Variants in CUX2 observed in about 807,000 individuals in gnomAD.
CUX2 encodes the protein homeobox protein cut-like 2.
A neutral mutation model predicts 144.8 loss-of-function variants in CUX2; 40 were observed. The observed-to-expected ratio is 0.28, with a 90% CI of 0.21 to 0.36. CUX2 has a LOEUF of 0.36. CUX2 is among the 10% of genes least tolerant of loss of function. CUX2 has a pLI of 1.00. For synonymous variants in CUX2, 827 were observed against 875.6 expected (o/e 0.94, Z 0.98); for missense variants, 1,615 against 1,994.0 (o/e 0.81, Z 3.62).
intron 1 of CUX2, among the ~76,000 whole-genome samples, chr12:111,121,170 T>C (rs1429065310): frequency 6.6e-6 from 1 of 151,652 alleles, no homozygotes; most frequent in African/African-American, 2.4e-5. Context: ...AATCATTCTT[T>C]ACTATATTGA....
chr12:111,097,985 T>G (rs1872931037), intron 1 of CUX2, among the ~76,000 whole-genome samples: 2 of 152,276 alleles, frequency 1.3e-5, no homozygotes, highest in Admixed American at 6.5e-5. Context: ...TTGGGGAGTT[T>G]AGTTCTAAGA....
chr12:111,127,881 C>T (rs1372747892), intron 1 of CUX2, among the ~76,000 whole-genome samples: 1 of 152,180 alleles, frequency 6.6e-6, no homozygotes, highest in Non-Finnish European at 1.5e-5. Flanking sequence ...ACTTATAAAA[C>T]CATCAGGTCT....
intron 1 of CUX2, among the ~76,000 whole-genome samples, chr12:111,148,864 G>C (rs1379773065): frequency 6.6e-6 from 1 of 152,112 alleles, no homozygotes; most frequent in South Asian, 2.1e-4. Flanking sequence ...AGGTATGGTG[G>C]TGCATACCTG....
chr12:111,115,279 CTTTTTTTTTT>C (rs869307048), intron 1 of CUX2, among the ~76,000 whole-genome samples: 1 of 88,744 alleles, frequency 1.1e-5, no homozygotes. Context: ...AATAAAATTT[CTTTTTTTTTT>C]TTTTTTTTTT....
chr12:111,246,387 A>T lies in CUX2; in HGVS notation c.223-17374A>T, dbSNP rs555602051. On this transcript the variant is annotated intron_variant, in intron 3 of 21. Transcript: ENST00000261726. The surrounding 1 kb of genome is among the most constrained non-coding windows in gnomAD (Gnocchi z 4.0). Reference sequence around the variant, plus strand: ...CCTTCCTCACAGGGCTTTTAGGATGATTTCTAGACTTAATACATATAAAGC... The same window carrying T: ...CCTTCCTCACAGGGCTTTTAGGATGTTTTCTAGACTTAATACATATAAAGC... Among the ~76,000 whole-genome samples, 4 of 152,224 alleles carry T rather than the reference A, an allele frequency of 2.6e-5. No homozygotes were observed. Among genetic ancestry groups the T allele is most frequent in the African/African-American group, 9.6e-5 (4 of 41,542 alleles).
chr12:111,260,894 C>A (rs1884088436), intron 3 of CUX2, among the ~76,000 whole-genome samples: 1 of 152,222 alleles, frequency 6.6e-6, no homozygotes, highest in Admixed American at 6.5e-5. Flanking sequence ...TAAAATGGAA[C>A]ATTGAGTCAT....
intron 1 of CUX2, among the ~76,000 whole-genome samples, chr12:111,074,863 C>T (rs536264129): frequency 4.6e-5 from 7 of 151,052 alleles, no homozygotes; most frequent in South Asian, 4.2e-4. Flanking sequence ...TTGGGGACAC[C>T]GTGCCCCTCG....
Position 111,329,058 on chromosome 12 carries a change from C to A in CUX2, c.2927-5383C>A, listed in dbSNP as rs189243055. On this transcript the variant is annotated intron_variant, in intron 18 of 21. Coordinates refer to ENST00000261726, the MANE Select transcript of CUX2 (RefSeq NM_015267.4). Reference sequence around the variant, plus strand: ...CCTGCCTCTCTCACCATCTCTCTCCCCCTCTGTTTGCTCTGTCTCTTCCTC... The same window carrying A: ...CCTGCCTCTCTCACCATCTCTCTCCACCTCTGTTTGCTCTGTCTCTTCCTC... Among the ~76,000 whole-genome samples the A allele has an allele frequency of 3.2e-3, 457 of 142,938 alleles. 4 individuals carry two copies. The highest frequency in any genetic ancestry group is 0.012 in the African/African-American group (442 of 37,912). 93.8% of individuals were successfully genotyped at this position (142,938 alleles called of 152,430 possible). A position where few individuals can be genotyped will look rare whatever the true frequency, so the allele number is the denominator to read the frequency against.
chr12:111,309,999 C>G, intron 14 of CUX2, 42 bp from the exon 15 acceptor site: 3 of 1,274,796 alleles, frequency 2.4e-6, no homozygotes, highest in Non-Finnish European at 3.0e-6. Context: ...TCATCATCGT[C>G]TTCCCCGTCT....
intron 1 of CUX2, among the ~76,000 whole-genome samples, chr12:111,103,172 T>C (rs1873365019): frequency 6.6e-6 from 1 of 152,152 alleles, no homozygotes; most frequent in Non-Finnish European, 1.5e-5. Context: ...AGGTCTGGTG[T>C]ATAGTAGATG....
At chr12:111,101,800 GT>G (rs1202594388) in intron 1 of CUX2, among the ~76,000 whole-genome samples, 4 of 152,184 alleles carry the variant, frequency 2.6e-5, no homozygotes, top group Non-Finnish European at 5.9e-5. Context: ...GCAGACTTCC[GT>G]GGGCCAGATT....
At chr12:111,313,297 C>A (rs949229224) in intron 16 of CUX2, among the ~76,000 whole-genome samples, 1 of 150,828 alleles carries the variant, frequency 6.6e-6, no homozygotes, top group Non-Finnish European at 1.5e-5. Context: ...TCTTGAACTC[C>A]TGACCTCGTG....
intron 1 of CUX2, among the ~76,000 whole-genome samples, chr12:111,117,077 G>C (rs949905092): frequency 1.5e-4 from 23 of 152,168 alleles, no homozygotes; most frequent in Non-Finnish European, 7.3e-5. Context: ...ATATGATCTA[G>C]GTTGAAAAGA....
At chr12:111,215,807 C>T (rs1881498531) in intron 2 of CUX2, among the ~76,000 whole-genome samples, 1 of 152,212 alleles carries the variant, frequency 6.6e-6, no homozygotes, top group Non-Finnish European at 1.5e-5. Flanking sequence ...CCTTCTAGCC[C>T]AACTGACTTT....
At chr12:111,055,087 C>T (rs1870456691) in intron 1 of CUX2, among the ~76,000 whole-genome samples, 1 of 152,220 alleles carries the variant, frequency 6.6e-6, no homozygotes, top group Non-Finnish European at 1.5e-5. Flanking sequence ...CTATGCAAAG[C>T]AGAGACTGTG....
At chr12:111,139,306 C>T (rs1190644701) in intron 1 of CUX2, among the ~76,000 whole-genome samples, 3 of 151,858 alleles carry the variant, frequency 2.0e-5, no homozygotes, top group African/African-American at 7.3e-5. Context: ...CACAAGTGCT[C>T]AATAGGAGGA....
intron 1 of CUX2, among the ~76,000 whole-genome samples, chr12:111,204,291 C>T (rs1426809530): frequency 3.3e-5 from 5 of 152,242 alleles, no homozygotes; most frequent in South Asian, 2.1e-4. Context: ...GCCTGAGCTA[C>T]GGAGCTGCCA....
chr12:111,189,661 G>C (rs2136192417), intron 1 of CUX2, among the ~76,000 whole-genome samples: 1 of 152,264 alleles, frequency 6.6e-6, no homozygotes, highest in South Asian at 2.1e-4. Context: ...GAACATTCCA[G>C]ACCAGCGCTT....
intron 1 of CUX2, among the ~76,000 whole-genome samples, chr12:111,210,595 A>G (rs942149032): frequency 3.3e-5 from 5 of 152,118 alleles, no homozygotes; most frequent in Non-Finnish European, 1.5e-5. Flanking sequence ...GGAGTTTGAG[A>G]CCAGCCTGGC....
Sources: allele counts gnomAD v4.1 joint callset (sites outside exome capture counted in the v4.1 genomes callset), GRCh38; gene constraint gnomAD v4.1.1; non-coding constraint Gnocchi (gnomAD v3.1); transcripts MANE v1.5; gene names NCBI Gene and HGNC (gene_info 2026-07-23, HGNC 2026-07-21).